GRAMD1A: variants seen among roughly 807,000 people sequenced by gnomAD.
GRAMD1A encodes protein Aster-A.
In GRAMD1A, 50 loss-of-function variants were observed where a neutral mutation model predicts 92.0. That is an observed-to-expected ratio of 0.54 (90% CI 0.43 to 0.69). The LOEUF (loss-of-function observed/expected upper bound fraction) is 0.69. Ranked by LOEUF, GRAMD1A falls within the 30% of genes least tolerant of loss-of-function variation. The pLI is 0.00. For missense variants in GRAMD1A, 819 were observed against 978.9 expected (o/e 0.84, Z 2.18); for synonymous variants, 405 against 403.6 (o/e 1.00, Z -0.04).
chr19:35,020,851 G>A (rs892858120), intron 13 of GRAMD1A, among the ~76,000 whole-genome samples: 2 of 152,128 alleles, frequency 1.3e-5, no homozygotes, highest in Admixed American at 6.5e-5. Context: ...ACAGGAGCAG[G>A]GAGGCCAGGG....
At chr19:35,009,020 T>C in intron 1 of GRAMD1A, 99 bp from the exon 2 acceptor site, 1 of 771,704 alleles carries the variant, frequency 1.3e-6, no homozygotes, top group Non-Finnish European at 2.3e-6. Flanking sequence ...GATGGGTGTG[T>C]ATTCGGGGAT....
rs1482352345 is a variant in GRAMD1A, at chr19:35,015,806, G to T, written c.1070-18G>T. 6.2e-7 allele frequency: 1 copy of T among 1,610,930 alleles called. No homozygotes were observed. The highest frequency in any genetic ancestry group is 8.5e-7 in the Non-Finnish European group (1 of 1,178,446). ...GGAGTGGAGGCAGTCATCATCCTCG[G>T]CTCTCCTCTGTCTCCAGCGGACTTG... On this transcript the variant is annotated intron_variant, in intron 10 of 19. Coordinates refer to ENST00000317991, the MANE Select transcript of GRAMD1A (RefSeq NM_020895.5).
Position 35,021,523 on chromosome 19 carries a change from C to T in GRAMD1A, c.1497C>T (p.Tyr499=), listed in dbSNP as rs759587666. The stretch of plus-strand genomic sequence containing the variant: ...CCAGAGTGTCTTCTGAGATCCGCTA[C>T]CGAAAGCAGCCGTGGAGCCTGGTGA... ...ARLRVSSEIR[Y]RKQPWSLVKS... The change falls in exon 14 of 20, where the codon TAC becomes TAT. Residue 499 remains tyrosine, a synonymous_variant. Coordinates refer to ENST00000317991, the MANE Select transcript of GRAMD1A (RefSeq NM_020895.5). The surrounding 1 kb of genome is among the most constrained non-coding windows in gnomAD (Gnocchi z 5.3). 1.2e-6 allele frequency: 2 copies of T among 1,614,014 alleles called. No homozygotes were observed. Among genetic ancestry groups the T allele is most frequent in the Admixed American group, 3.3e-5 (2 of 60,030 alleles).
Position 35,022,927 on chromosome 19 carries a change from C to G in GRAMD1A, c.1853+16C>G, listed in dbSNP as rs751002695. 6.3e-7 allele frequency: 1 copy of G among 1,578,114 alleles called. No homozygotes were observed. Among genetic ancestry groups the G allele is most frequent in the African/African-American group, 1.3e-5 (1 of 74,386 alleles). ...TCTGTGTGAGGTAGGGTCCCGAGTC[C>G]TCCCCCTGCCCTCCCCTCCCTGCAC... On this transcript the variant is annotated intron_variant, in intron 17 of 19. Coordinates refer to ENST00000317991, the MANE Select transcript of GRAMD1A (RefSeq NM_020895.5).
Position 35,007,598 on chromosome 19 carries a change from C to CTCTATT in GRAMD1A, c.9-1519_9-1518insTATTTC, listed in dbSNP as rs2014917391. ...ATAGAAATAGAGCTGGGTGCAGTGG[C>CTCTATT]TCACACCTGTAATACCAGCACTTTG... On this transcript the variant is annotated intron_variant, in intron 1 of 19. Coordinates refer to ENST00000317991, the MANE Select transcript of GRAMD1A (RefSeq NM_020895.5). Among the ~76,000 whole-genome samples, 5 of 152,192 alleles carry CTCTATT rather than the reference C, an allele frequency of 3.3e-5. No homozygotes were observed. In the South Asian group the frequency reaches 1.0e-3, roughly 32 times the overall value.
Position 35,019,780 on chromosome 19 carries a change from CCTCT to C in GRAMD1A, c.1475+251_1475+254del, listed in dbSNP as rs1301869704. 4.6e-5 allele frequency among the ~76,000 whole-genome samples: 7 copies of C among 152,300 alleles called. No homozygotes were observed. The East Asian group carries it at 1.2e-3, about 25-fold the overall frequency. On this transcript the variant is annotated intron_variant, in intron 13 of 19. Transcript: ENST00000317991. Reference sequence around the variant, plus strand: ...GATACAGCAAAGCCAGGCAATATCACCTCTCTCAGGGAGCTCATATTCTAGTGGG... The same window carrying C: ...GATACAGCAAAGCCAGGCAATATCACCTCAGGGAGCTCATATTCTAGTGGG...
At chr19:35,023,043 C>T in intron 17 of GRAMD1A, 132 bp downstream of exon 17, 1 of 851,070 alleles carries the variant, frequency 1.2e-6, no homozygotes, top group Non-Finnish European at 1.9e-6. Flanking sequence ...GTATGGGCAT[C>T]AGACAGACCT....
intron 1 of GRAMD1A, among the ~76,000 whole-genome samples, chr19:35,007,592 C>T (rs897025028): frequency 6.6e-6 from 1 of 151,998 alleles, no homozygotes; most frequent in Non-Finnish European, 1.5e-5. Flanking sequence ...GAGCTGGGTG[C>T]AGTGGCTCAC....
At chr19:35,005,839 A>G (rs921369786) in intron 1 of GRAMD1A, 4 of 456,098 alleles carry the variant, frequency 8.8e-6, no homozygotes, top group African/African-American at 6.0e-5. Flanking sequence ...GGGGTCACGC[A>G]TGAGCCAAAG....
upstream of GRAMD1A, among the ~76,000 whole-genome samples, chr19:34,996,958 A>G (rs1012411045): frequency 6.6e-6 from 1 of 152,118 alleles, no homozygotes. Context: ...TTTTTGAGAC[A>G]GCATCTCTCT....
At position 35,000,408 on chromosome 19, in the gene GRAMD1A, G is replaced by A; in HGVS notation, c.-71G>A. On this transcript the variant is annotated 5_prime_UTR_variant, in exon 1 of 20. Transcript: ENST00000317991. This position sits in a 1 kb window ranked among gnomAD's most constrained non-coding sequence, Gnocchi z 4.9. ...CTGCGGGGACGCCCAGCGCAGCCCAGCCCCGCGCAGCCCAGCCCTGCCCTG... is the reference window on the plus strand; with the variant it reads ...CTGCGGGGACGCCCAGCGCAGCCCAACCCCGCGCAGCCCAGCCCTGCCCTG... 8.8e-7 allele frequency: 1 copy of A among 1,138,212 alleles called. No homozygotes were observed. The highest frequency in any genetic ancestry group is 3.5e-4 in the Middle Eastern group (1 of 2,852). The allele number at this position is 1,138,212 out of a possible 1,614,324, so 70.5% of individuals were successfully genotyped here. A position where few individuals can be genotyped will look rare whatever the true frequency, so the allele number is the denominator to read the frequency against.
chr19:35,010,429 C>A, intron 6 of GRAMD1A, 50 bp downstream of exon 6: 1 of 1,217,012 alleles, frequency 8.2e-7, no homozygotes, highest in Non-Finnish European at 1.2e-6. Context: ...CTCAGCAGGC[C>A]GCCTCCCCCA....
Position 35,026,126 on chromosome 19 carries a change from T to A in GRAMD1A, c.2160T>A (p.Asp720Glu). 6.4e-7 allele frequency: 1 copy of A among 1,573,348 alleles called. No homozygotes were observed. Residue 720 changes from aspartate to glutamate, a missense_variant, in exon 20 of 20, where the codon GAT becomes GAA. By Grantham distance (45) the Asp-to-Glu change is conservative (BLOSUM62 2). Around this residue, in one of 3 missense-constraint regions of GRAMD1A, gnomAD observed 577 missense variants for 674.6 expected, o/e 0.86. Coordinates refer to ENST00000317991, the MANE Select transcript of GRAMD1A (RefSeq NM_020895.5). ...DPPFDTQPRP[D>E]DSFS Reference sequence around the variant, plus strand: ...CCTTTGACACCCAGCCCCGGCCCGATGACAGCTTTTCCTGAGGACCCCGGC... The same window carrying A: ...CCTTTGACACCCAGCCCCGGCCCGAAGACAGCTTTTCCTGAGGACCCCGGC...
At chr19:35,019,565 C>G (rs771679442) in intron 13 of GRAMD1A, 32 bp downstream of exon 13, 2 of 1,605,962 alleles carry the variant, frequency 1.2e-6, no homozygotes, top group Non-Finnish European at 1.7e-6. Context: ...CCACCCGATG[C>G]CCTGGTGGCC....
intron 1 of GRAMD1A, among the ~76,000 whole-genome samples, chr19:35,004,531 T>C (rs1600278224): frequency 6.6e-6 from 1 of 152,302 alleles, no homozygotes; most frequent in Non-Finnish European, 1.5e-5. Flanking sequence ...CCCTGCTCAC[T>C]TGTTTTCTTA....
In GRAMD1A at chr19:35,009,462, G is replaced by A; in HGVS notation, c.240+19G>A. 6.2e-7 allele frequency: 1 copy of A among 1,613,730 alleles called. No homozygotes were observed. Among genetic ancestry groups the A allele is most frequent in the South Asian group, 1.1e-5 (1 of 91,070 alleles). ...GTACAGTGTAAGTGTCTGGGCAAGG[G>A]GCTTGCTGGAGGGCTGGGAGGACCG... On this transcript the variant is annotated intron_variant, in intron 3 of 19. Transcript: ENST00000317991.
chr19:34,996,258 G>C, upstream of GRAMD1A: 1 of 1,535,008 alleles, frequency 6.5e-7, no homozygotes, highest in Non-Finnish European at 8.7e-7. Context: ...CAGCAGCAGA[G>C]GATGCCAGAC....
Position 35,010,325 on chromosome 19 carries a change from A to G in GRAMD1A, c.471A>G (p.Glu157=). ...AGGAAGTGACATGTCTGAAGAAGGA[A>G]AAGACGGCCAAGCTGATCCCCAACG... ...QLKEVTCLKK[E]KTAKLIPNAI... Residue 157 remains glutamate (E), a synonymous_variant, in exon 6 of 20, where the codon GAA becomes GAG. Transcript: ENST00000317991. 6.2e-7 allele frequency: 1 copy of G among 1,613,992 alleles called. No individual in the cohort carries two copies. Among genetic ancestry groups the G allele is most frequent in the African/African-American group, 1.3e-5 (1 of 75,054 alleles).
At chr19:35,007,498 C>G (rs2014909000) in intron 1 of GRAMD1A, among the ~76,000 whole-genome samples, 1 of 152,080 alleles carries the variant, frequency 6.6e-6, no homozygotes, top group South Asian at 2.1e-4. Context: ...GTGGAGGTTG[C>G]AGTGAGTCGA....
Sources: gnomAD v4.1 joint callset for allele counts (sites outside exome capture counted in the v4.1 genomes callset) on GRCh38, gnomAD v4.1.1 for gene constraint, gnomAD v4.1.1 regional missense constraint, Gnocchi (gnomAD v3.1) non-coding constraint, MANE v1.5 for transcripts, NCBI Gene and HGNC (gene_info 2026-07-23, HGNC 2026-07-21) for gene names.